Variants in UXS1 observed in about 807,000 individuals in gnomAD.
UXS1 encodes UDP-glucuronate decarboxylase 1, also known as UDP-glucuronic acid decarboxylase 1.
In UXS1, 33 loss-of-function variants were observed where a neutral mutation model predicts 62.6. The ratio of observed to expected loss-of-function variants is 0.53; its 90% CI spans 0.40 to 0.70. UXS1 has a LOEUF of 0.70. Among genes scored for constraint, UXS1 ranks in the 30% least tolerant of loss-of-function variants. The pLI is 0.00. For synonymous variants in UXS1, 213 were observed against 206.8 expected, an observed-to-expected ratio of 1.03 and a Z score of -0.26; for missense variants, 434 against 556.3, an observed-to-expected ratio of 0.78 and a Z score of 2.21.
chr2:106,100,647 C>T (rs1262624220), intron 12 of UXS1: 2 of 173,214 alleles, frequency 1.2e-5, no homozygotes, highest in African/African-American at 2.4e-5. Flanking sequence ...GTGGTCTGTC[C>T]GGCTAAATGA....
chr2:106,110,713 G>T (rs1372692680), intron 10 of UXS1, among the ~76,000 whole-genome samples: 1 of 152,158 alleles, frequency 6.6e-6, no homozygotes, highest in African/African-American at 2.4e-5. Flanking sequence ...CTGCGCCCAC[G>T]TACCTGGTGG....
At chr2:106,126,254 A>G (rs953062295) in intron 7 of UXS1, among the ~76,000 whole-genome samples, 2 of 152,210 alleles carry the variant, frequency 1.3e-5, no homozygotes, top group Non-Finnish European at 2.9e-5. Flanking sequence ...GTAACTGACC[A>G]GAACATCATT....
chr2:106,138,631 C>G, intron 6 of UXS1: 2 of 985,538 alleles, frequency 2.0e-6, no homozygotes, highest in Non-Finnish European at 2.4e-6. Flanking sequence ...GGGGTTTTTC[C>G]ATCCCCAAAG....
rs562685832 is a variant in UXS1 at position 106,144,993 on chromosome 2, C to T, written c.472+197G>A. 5.3e-5 allele frequency among the ~76,000 whole-genome samples: 8 copies of T among 152,318 alleles called. No homozygotes were observed. The East Asian group carries it at 1.2e-3, about 22-fold the overall frequency. The stretch of plus-strand genomic sequence containing the variant: ...CAGGGGTGCCACGTAGGAGAGAAGA[C>T]GGCTATTCACACTGTTATAACCACT... On this transcript the variant is annotated intron_variant, in intron 6 of 14. Coordinates refer to ENST00000283148, the MANE Select transcript of UXS1 (RefSeq NM_001253875.2).
chr2:106,181,920 A>G (rs1017040647), intron 1 of UXS1, among the ~76,000 whole-genome samples: 1 of 152,226 alleles, frequency 6.6e-6, no homozygotes, highest in Non-Finnish European at 1.5e-5. Context: ...GAAGATGGGA[A>G]CAAAGTATAC....
chr2:106,180,630 T>C (rs926985439), intron 1 of UXS1, among the ~76,000 whole-genome samples: 1 of 152,192 alleles, frequency 6.6e-6, no homozygotes, highest in African/African-American at 2.4e-5. Flanking sequence ...CACTCACACA[T>C]TTCACTCGAG....
intron 11 of UXS1, among the ~76,000 whole-genome samples, chr2:106,103,459 G>C (rs1472963188): frequency 6.6e-6 from 1 of 152,202 alleles, no homozygotes; most frequent in East Asian, 1.9e-4. Flanking sequence ...AGGAGGATGG[G>C]ATAAGAACGC....
At chr2:106,110,366 G>C (rs1678488383) in intron 10 of UXS1, among the ~76,000 whole-genome samples, 1 of 152,124 alleles carries the variant, frequency 6.6e-6, no homozygotes, top group African/African-American at 2.4e-5. Flanking sequence ...GGGAGGCTAG[G>C]GGACACTGGG....
At chr2:106,110,057 A>G (rs901073308) in intron 10 of UXS1, among the ~76,000 whole-genome samples, 3 of 152,328 alleles carry the variant, frequency 2.0e-5, no homozygotes, top group Non-Finnish European at 2.9e-5. Flanking sequence ...GACAAGAGCA[A>G]GGCATGATAT....
rs567647242 is a variant in UXS1 at position 106,161,188 on chromosome 2, CT to C, written c.230+2478del. Among the ~76,000 whole-genome samples the C allele has an allele frequency of 1.3e-3, 181 of 144,000 alleles. 1 individual carries two copies. The highest frequency in any genetic ancestry group is 3.6e-3 in the Middle Eastern group (1 of 278). The allele number at this position is 144,000 out of a possible 152,430, so 94.5% of individuals were successfully genotyped here. A position where few individuals can be genotyped will look rare whatever the true frequency, so the allele number is the denominator to read the frequency against. Reference sequence around the variant, plus strand: ...TCAGGGCTGGGCAGGAGCACAAGGCCTTTTTTTTTTTTCCTTTTTTGAGACA... The same window carrying C: ...TCAGGGCTGGGCAGGAGCACAAGGCCTTTTTTTTTTTCCTTTTTTGAGACA... On this transcript the variant is annotated intron_variant, in intron 4 of 14. Coordinates refer to ENST00000283148, the MANE Select transcript of UXS1 (RefSeq NM_001253875.2).
intron 1 of UXS1, among the ~76,000 whole-genome samples, chr2:106,181,715 CAAAAAAAATA>C (rs1310193718): frequency 1.3e-5 from 2 of 151,488 alleles, no homozygotes; most frequent in Non-Finnish European, 2.9e-5. Flanking sequence ...GACTCCATCT[CAAAAAAAATA>C]AATAAATTTT....
chr2:106,121,451 AG>A (rs1444544043), intron 9 of UXS1, among the ~76,000 whole-genome samples: 1 of 152,236 alleles, frequency 6.6e-6, no homozygotes, highest in East Asian at 1.9e-4. Flanking sequence ...TGAAAGCAAA[AG>A]AAAACAGTTG....
intron 6 of UXS1, among the ~76,000 whole-genome samples, chr2:106,139,380 A>C (rs148934178): frequency 6.6e-6 from 1 of 152,340 alleles, no homozygotes; most frequent in East Asian, 1.9e-4. Context: ...TTATGTTGGG[A>C]AGTGGCTGGG....
At chr2:106,119,671 T>G (rs1679362889) in intron 9 of UXS1, among the ~76,000 whole-genome samples, 1 of 152,094 alleles carries the variant, frequency 6.6e-6, no homozygotes, top group African/African-American at 2.4e-5. Context: ...AACAATCACT[T>G]TGGAGTTGTT....
intron 8 of UXS1, among the ~76,000 whole-genome samples, chr2:106,124,479 C>T (rs181490494): frequency 3.7e-4 from 56 of 152,358 alleles, no homozygotes; most frequent in African/African-American, 1.3e-3. Flanking sequence ...TTCCAGCATT[C>T]TGTGAGGCTA....
intron 2 of UXS1, 143 bp from the exon 3 acceptor site, chr2:106,164,942 T>C (rs1005758464): frequency 1.0e-5 from 6 of 590,438 alleles, no homozygotes; most frequent in African/African-American, 5.8e-5. Flanking sequence ...CCAGAAGGGA[T>C]GCACCAGAGG....
At chr2:106,164,494 A>G (rs188556250) in intron 3 of UXS1, among the ~76,000 whole-genome samples, 4 of 152,346 alleles carry the variant, frequency 2.6e-5, no homozygotes, top group Admixed American at 2.0e-4. Flanking sequence ...GCTTACCTGA[A>G]AAGTCATGTA....
intron 10 of UXS1, among the ~76,000 whole-genome samples, chr2:106,109,065 G>T (rs1309561175): frequency 6.6e-6 from 1 of 151,924 alleles, no homozygotes; most frequent in African/African-American, 2.4e-5. Context: ...GCTAGAATCC[G>T]CCTTACCTCT....
chr2:106,119,097 G>C (rs189687983), intron 9 of UXS1, among the ~76,000 whole-genome samples: 3 of 152,300 alleles, frequency 2.0e-5, no homozygotes, highest in Admixed American at 2.0e-4. Context: ...ACTATAAACT[G>C]ACAAGGTCAC....
Sources: allele counts gnomAD v4.1 joint callset (sites outside exome capture counted in the v4.1 genomes callset), GRCh38; gene constraint gnomAD v4.1.1; transcripts MANE v1.5; gene names NCBI Gene and HGNC (gene_info 2026-07-23, HGNC 2026-07-21).